The following HTR1F variants were observed in gnomAD, a reference collection of about 807,000 sequenced individuals.
HTR1F encodes the protein 5-hydroxytryptamine (serotonin) receptor 1F, G protein-coupled.
Under a neutral mutation model 24.0 loss-of-function variants are expected in HTR1F, and 17 were observed. The ratio of observed to expected loss-of-function variants is 0.71; its 90% CI spans 0.48 to 1.06. The LOEUF is 1.06. Ranked by LOEUF, HTR1F falls within the 50% of genes least tolerant of loss-of-function variation. HTR1F has a pLI of 0.00. For synonymous variants in HTR1F, 186 were observed against 156.8 expected, an observed-to-expected ratio of 1.19 and a Z score of -1.39; for missense variants, 391 against 427.8, an observed-to-expected ratio of 0.91 and a Z score of 0.76.
At chr3:87,798,640 C>A (rs371351278) in intron 1 of HTR1F, among the ~76,000 whole-genome samples, 2 of 152,076 alleles carry the variant, frequency 1.3e-5, no homozygotes, top group Non-Finnish European at 2.9e-5. Flanking sequence ...CTCCTCCACT[C>A]CCATTAACTC....
At chr3:87,809,223 C>T (rs1243393298) in intron 1 of HTR1F, among the ~76,000 whole-genome samples, 2 of 151,718 alleles carry the variant, frequency 1.3e-5, no homozygotes, top group African/African-American at 2.4e-5. Flanking sequence ...AATTTTTCCT[C>T]AGCAATATTG....
chr3:87,902,199 G>A (rs1390545502), intron 2 of HTR1F, among the ~76,000 whole-genome samples: 1 of 152,094 alleles, frequency 6.6e-6, no homozygotes, highest in Non-Finnish European at 1.5e-5. Context: ...GTTAAGATTA[G>A]TGGTGGTGTA....
At chr3:87,892,445 C>T (rs1452817204) in intron 2 of HTR1F, among the ~76,000 whole-genome samples, 3 of 152,082 alleles carry the variant, frequency 2.0e-5, no homozygotes, top group East Asian at 1.9e-4. Context: ...ACCATAAAGG[C>T]GGCAAGACAT....
intron 2 of HTR1F, among the ~76,000 whole-genome samples, chr3:87,889,996 C>T (rs1240261289): frequency 6.6e-6 from 1 of 152,116 alleles, no homozygotes; most frequent in Non-Finnish European, 1.5e-5. Context: ...TCAAAAGACA[C>T]AAAAGTGATC....
intron 1 of HTR1F, among the ~76,000 whole-genome samples, chr3:87,794,982 CTTTTT>C (rs57368229): frequency 1.1e-5 from 1 of 90,412 alleles, no homozygotes; most frequent in African/African-American, 4.5e-5. Context: ...TTATGACTGA[CTTTTT>C]TTTTTTTTTT....
chr3:87,906,183 G>A (rs183195692), intron 2 of HTR1F, among the ~76,000 whole-genome samples: 2 of 152,082 alleles, frequency 1.3e-5, no homozygotes, highest in East Asian at 3.8e-4. Context: ...TAAGGCTATA[G>A]AGTAACTTTT....
chr3:87,870,440 G>T (rs1705529279), intron 2 of HTR1F, among the ~76,000 whole-genome samples: 1 of 152,086 alleles, frequency 6.6e-6, no homozygotes, highest in African/African-American at 2.4e-5. Context: ...CCCCAGGCAT[G>T]CACCAAGCCA....
intron 1 of HTR1F, among the ~76,000 whole-genome samples, chr3:87,804,491 T>A (rs1458002267): frequency 6.6e-6 from 1 of 152,168 alleles, no homozygotes; most frequent in East Asian, 1.9e-4. Context: ...CTTAGCTTTT[T>A]AAAAAGTTTT....
chr3:87,932,062 G>C (rs947057846), intron 2 of HTR1F, among the ~76,000 whole-genome samples: 11 of 152,112 alleles, frequency 7.2e-5, no homozygotes, highest in Non-Finnish European at 1.5e-4. Context: ...GATCCCATTT[G>C]TCAGTTTTGG....
chr3:87,957,366 G>A (rs924629187), intron 2 of HTR1F, among the ~76,000 whole-genome samples: 17 of 151,282 alleles, frequency 1.1e-4, no homozygotes, highest in Non-Finnish European at 2.2e-4. Flanking sequence ...TAACATTTTG[G>A]TAAGGATTTT....
Position 87,991,052 on chromosome 3 carries a change from T to G in HTR1F, c.303T>G (p.Ser101Arg). ...AAGTGGTCTGTGACATTTGGCTGAG[T>G]GTTGACATTACCTGCTGCACGTGCT... ...MGQVVCDIWL[S>R]VDITCCTCSI... The change falls in exon 3 of 3, where the codon AGT (serine) becomes AGG (arginine). Residue 101 changes from serine (S) to arginine (R), a missense_variant. By Grantham distance (110) the Ser-to-Arg change is moderately radical. Coordinates refer to ENST00000319595, the MANE Select transcript of HTR1F (RefSeq NM_001322209.2). 6.2e-7 allele frequency: 1 copy of G among 1,614,014 alleles called. No homozygotes were observed. Among genetic ancestry groups the G allele is most frequent in the Non-Finnish European group, 8.5e-7 (1 of 1,180,026 alleles).
At chr3:87,865,509 T>C (rs1200396356) in intron 2 of HTR1F, among the ~76,000 whole-genome samples, 1 of 91,054 alleles carries the variant, frequency 1.1e-5, no homozygotes, top group Non-Finnish European at 1.9e-5. Flanking sequence ...TTATCTTGAC[T>C]GACTGTTACC....
chr3:87,808,570 C>A (rs1704110354), intron 1 of HTR1F, among the ~76,000 whole-genome samples: 1 of 151,224 alleles, frequency 6.6e-6, no homozygotes, highest in Non-Finnish European at 1.5e-5. Context: ...CACAAATTTT[C>A]ATTTCATTTA....
At chr3:87,956,576 A>AT (rs1704948345) in intron 2 of HTR1F, among the ~76,000 whole-genome samples, 1 of 151,380 alleles carries the variant, frequency 6.6e-6, no homozygotes, top group African/African-American at 2.4e-5. Flanking sequence ...CTATAGATAA[A>AT]TTTGGGAATA....
chr3:87,870,885 A>C, intron 2 of HTR1F, among the ~76,000 whole-genome samples: 1 of 151,988 alleles, frequency 6.6e-6, no homozygotes, highest in East Asian at 1.9e-4. Flanking sequence ...TTTGAAAGGT[A>C]CCCAGAATAA....
intron 2 of HTR1F, among the ~76,000 whole-genome samples, chr3:87,932,012 G>A (rs1449847135): frequency 1.3e-5 from 2 of 152,076 alleles, no homozygotes; most frequent in Admixed American, 6.6e-5. Flanking sequence ...CACTCTGATG[G>A]TAGTTTCTTT....
chr3:87,794,703 T>A (rs893414593), intron 1 of HTR1F, among the ~76,000 whole-genome samples: 1 of 152,188 alleles, frequency 6.6e-6, no homozygotes, highest in Non-Finnish European at 1.5e-5. Flanking sequence ...TTTGTTGGAA[T>A]GAGGACTTTA....
At chr3:87,886,822 A>G (rs1705958224) in intron 2 of HTR1F, among the ~76,000 whole-genome samples, 1 of 152,174 alleles carries the variant, frequency 6.6e-6, no homozygotes, top group Admixed American at 6.5e-5. Context: ...TGCTCAATGA[A>G]ATAAAGGAGG....
At chr3:87,878,760 G>A (rs1387817931) in intron 2 of HTR1F, among the ~76,000 whole-genome samples, 1 of 152,034 alleles carries the variant, frequency 6.6e-6, no homozygotes, top group East Asian at 1.9e-4. Flanking sequence ...CTATGTTTAG[G>A]CTGTTTTCCT....
Sources: allele counts gnomAD v4.1 joint callset (sites outside exome capture counted in the v4.1 genomes callset), GRCh38; gene constraint gnomAD v4.1.1; transcripts MANE v1.5; gene names NCBI Gene and HGNC (gene_info 2026-07-23, HGNC 2026-07-21).